Variants in CFAP20DC observed in about 807,000 individuals in gnomAD.
CFAP20DC encodes CFAP20 domain containing, also known as protein CFAP20DC.
In CFAP20DC, 84 loss-of-function variants were observed where a neutral mutation model predicts 101.7. The ratio of observed to expected loss-of-function variants is 0.83; its 90% CI spans 0.69 to 0.99. The LOEUF is 0.99. Among genes scored for constraint, CFAP20DC ranks in the 50% least tolerant of loss-of-function variants. The pLI is 0.00. For missense variants in CFAP20DC, 1,007 were observed against 970.3 expected, an observed-to-expected ratio of 1.04 and a Z score of -0.50; for synonymous variants, 359 against 351.2, an observed-to-expected ratio of 1.02 and a Z score of -0.25.
intron 14 of CFAP20DC, among the ~76,000 whole-genome samples, chr3:58,816,889 T>C (rs1036468581): frequency 6.6e-6 from 1 of 152,196 alleles, no homozygotes; most frequent in African/African-American, 2.4e-5. Flanking sequence ...TAAGTGTCCC[T>C]GTCTGACAGC....
chr3:58,917,825 C>A (rs529472671), intron 5 of CFAP20DC, among the ~76,000 whole-genome samples: 1 of 152,248 alleles, frequency 6.6e-6, no homozygotes, highest in African/African-American at 2.4e-5. Context: ...AAAAGCAAAT[C>A]ATGACAAGTC....
At chr3:58,739,370 T>C (rs1313579581), downstream of CFAP20DC, among the ~76,000 whole-genome samples, 1 of 152,240 alleles carries the variant, frequency 6.6e-6, no homozygotes, top group Non-Finnish European at 1.5e-5. Flanking sequence ...CCCAAACTGA[T>C]ACCAAATTAT....
chr3:58,986,457 C>T (rs976031447), intron 4 of CFAP20DC, among the ~76,000 whole-genome samples: 1 of 152,172 alleles, frequency 6.6e-6, no homozygotes, highest in African/African-American at 2.4e-5. Context: ...TGCAGAAAGC[C>T]AGACCTTGGA....
chr3:58,740,172 A>AAAGAGAG (rs1300156404), downstream of CFAP20DC, among the ~76,000 whole-genome samples: 2 of 152,122 alleles, frequency 1.3e-5, no homozygotes, highest in Non-Finnish European at 2.9e-5. The surrounding 1 kb of genome is among the most constrained non-coding windows in gnomAD (Gnocchi z 4.6). Flanking sequence ...AGAGAAGAGA[A>AAAGAGAG]AAGAGAGAAG....
chr3:58,812,265 T>C (rs886249234), intron 14 of CFAP20DC, among the ~76,000 whole-genome samples: 36 of 152,232 alleles, frequency 2.4e-4, no homozygotes, highest in African/African-American at 8.7e-4. Flanking sequence ...CGTATGTTTA[T>C]TGCGGCTCTA....
intron 14 of CFAP20DC, among the ~76,000 whole-genome samples, chr3:58,817,530 A>C (rs1228998556): frequency 2.0e-5 from 3 of 146,424 alleles, no homozygotes; most frequent in African/African-American, 5.1e-5. Flanking sequence ...AACTGGAAGA[A>C]AGGGTATCAG....
chr3:58,848,903 C>T lies in CFAP20DC; in HGVS notation c.1971+129G>A, dbSNP rs2077972574. 24 of 1,170,686 alleles carry T rather than the reference C, an allele frequency of 2.1e-5. No individual in the cohort carries two copies. The South Asian group carries it at 3.7e-4, about 18-fold the overall frequency. 72.5% of individuals were successfully genotyped at this position (1,170,686 alleles called of 1,614,324 possible). A position where few individuals can be genotyped will look rare whatever the true frequency, so the allele number is the denominator to read the frequency against. ...ATTACCAAACTAAAACACATCAGAA[C>T]AGGAAAGAAAATACAACACTCATCA... On this transcript the variant is annotated intron_variant, in intron 13 of 16. Coordinates refer to ENST00000482387, the MANE Select transcript of CFAP20DC (RefSeq NM_001394063.1).
rs776444848 is a variant in CFAP20DC at position 58,869,327 on chromosome 3, C to A, written c.1015+1G>T. The A allele has an allele frequency of 6.2e-7, 1 of 1,605,620 alleles. No individual in the cohort carries two copies. The highest frequency in any genetic ancestry group is 1.7e-5 in the Admixed American group (1 of 59,090). On this transcript the variant is annotated splice_donor_variant, in intron 9 of 16. Coordinates refer to ENST00000482387, the MANE Select transcript of CFAP20DC (RefSeq NM_001394063.1). LOFTEE classifies it high-confidence loss of function. This position sits in a 1 kb window ranked among gnomAD's most constrained non-coding sequence, Gnocchi z 4.3. ...AATCTTTATGCATGATTATTTCTTA[C>A]CATGAATAGGTACAGTCTGCTTTAT...
intron 15 of CFAP20DC, among the ~76,000 whole-genome samples, chr3:58,793,719 C>CA (rs1257099708): frequency 6.6e-6 from 1 of 152,092 alleles, no homozygotes; most frequent in East Asian, 1.9e-4. Context: ...TGCCCCTCAA[C>CA]AAAAAATGTA....
At chr3:58,784,627 T>C (rs551899690) in intron 15 of CFAP20DC, among the ~76,000 whole-genome samples, 54 of 152,220 alleles carry the variant, frequency 3.5e-4, no homozygotes, top group African/African-American at 1.2e-3. Flanking sequence ...GTGATGAACA[T>C]GACAGCGCAT....
chr3:58,844,808 C>T (rs1350182129), intron 13 of CFAP20DC, among the ~76,000 whole-genome samples: 1 of 136,858 alleles, frequency 7.3e-6, no homozygotes, highest in Admixed American at 7.2e-5. Context: ...TTATAACAAA[C>T]TATCTCTCAG....
chr3:58,901,488 G>A (rs1559794287), intron 6 of CFAP20DC, among the ~76,000 whole-genome samples: 1 of 152,120 alleles, frequency 6.6e-6, no homozygotes, highest in Non-Finnish European at 1.5e-5. Flanking sequence ...TTACCTCAAA[G>A]GGCTATTGTG....
At chr3:58,807,312 C>A (rs903406834) in intron 14 of CFAP20DC, among the ~76,000 whole-genome samples, 4 of 152,232 alleles carry the variant, frequency 2.6e-5, no homozygotes, top group African/African-American at 2.4e-5. Context: ...CTGGGAGGCA[C>A]CCCCCAGTAG....
In CFAP20DC at chr3:59,024,538, C is replaced by T. The variant is rs749362483; in HGVS notation, c.278+15019G>A. Among the ~76,000 whole-genome samples the T allele has an allele frequency of 3.6e-4, 54 of 152,038 alleles. 1 individual carries two copies. Among genetic ancestry groups the T allele is most frequent in the Non-Finnish European group, 7.2e-4 (49 of 67,994 alleles). On this transcript the variant is annotated intron_variant, in intron 4 of 16. Coordinates refer to ENST00000482387, the MANE Select transcript of CFAP20DC (RefSeq NM_001394063.1). ...TATTGTAAGATATGTTTGTAATTTA[C>T]TACATGTATGCCATTCTATCAGTCA...
At chr3:59,038,530 C>T (rs1329110341) in intron 4 of CFAP20DC, among the ~76,000 whole-genome samples, 1 of 152,178 alleles carries the variant, frequency 6.6e-6, no homozygotes, top group African/African-American at 2.4e-5. Context: ...AGGTTTGTAG[C>T]AACCCTGTGT....
chr3:58,935,174 T>C (rs1395761117), intron 5 of CFAP20DC, among the ~76,000 whole-genome samples: 1 of 152,162 alleles, frequency 6.6e-6, no homozygotes, highest in East Asian at 1.9e-4. Flanking sequence ...CCATTCACAA[T>C]TGCTTCAAAG....
At chr3:58,723,648 G>C (rs1035780252) in intron 3 of CFAP20DC, among the ~76,000 whole-genome samples, 8 of 152,192 alleles carry the variant, frequency 5.3e-5, no homozygotes, top group African/African-American at 1.9e-4. Flanking sequence ...GTGGTGACAG[G>C]CAGGTCTCTG....
At chr3:58,751,326 C>A in intron 16 of CFAP20DC, among the ~76,000 whole-genome samples, 1 of 152,206 alleles carries the variant, frequency 6.6e-6, no homozygotes, top group Non-Finnish European at 1.5e-5. Flanking sequence ...GCAGACTGAT[C>A]TACTTAGGTA....
At position 58,980,580 on chromosome 3, in the gene CFAP20DC, T is replaced by C. The variant is rs56732064; in HGVS notation, c.279-42818A>G. On this transcript the variant is annotated intron_variant, in intron 4 of 16. Transcript: ENST00000482387. ...ACAAATCAATAAATGTAATTGAGCA[T>C]ATAAACAGAACCAAAGACAAAAACC... 2.1e-3 allele frequency among the ~76,000 whole-genome samples: 316 copies of C among 152,284 alleles called. 2 individuals are homozygous for C. The highest frequency in any genetic ancestry group is 6.7e-3 in the African/African-American group (277 of 41,552).
Sources: allele counts gnomAD v4.1 joint callset (sites outside exome capture counted in the v4.1 genomes callset), GRCh38; gene constraint gnomAD v4.1.1; non-coding constraint Gnocchi (gnomAD v3.1); transcripts MANE v1.5; gene names NCBI Gene and HGNC (gene_info 2026-07-23, HGNC 2026-07-21).